Variants in SAMD4A observed in about 807,000 individuals in gnomAD.
SAMD4A encodes the protein protein Smaug homolog 1.
Under a neutral mutation model 81.3 loss-of-function variants are expected in SAMD4A, and 33 were observed. That is an observed-to-expected ratio of 0.41 (90% CI 0.31 to 0.54). The LOEUF is 0.54. Ranked by LOEUF, SAMD4A falls within the 20% of genes least tolerant of loss-of-function variation. The probability of loss-of-function intolerance (pLI) is 0.37; values close to 1 mark genes in which losing one functional copy is unlikely to be tolerated. For missense variants in SAMD4A, 854 were observed against 951.1 expected (o/e 0.90, Z 1.34); for synonymous variants, 389 against 382.1 (o/e 1.02, Z -0.21).
intron 2 of SAMD4A, among the ~76,000 whole-genome samples, chr14:54,696,018 T>A (rs1254873138): frequency 6.6e-6 from 1 of 151,594 alleles, no homozygotes; most frequent in Non-Finnish European, 1.5e-5. Flanking sequence ...CAATCCTTTG[T>A]ACCTTTTCAA....
At chr14:54,690,714 G>T (rs1331339489) in intron 2 of SAMD4A, among the ~76,000 whole-genome samples, 1 of 152,226 alleles carries the variant, frequency 6.6e-6, no homozygotes, top group Non-Finnish European at 1.5e-5. Context: ...ACCAAAGACA[G>T]ATATCTGATA....
intron 2 of SAMD4A, among the ~76,000 whole-genome samples, chr14:54,593,554 A>T (rs1421889756): frequency 6.6e-6 from 1 of 152,188 alleles, no homozygotes; most frequent in East Asian, 1.9e-4. Context: ...GAAAGAGGAG[A>T]TGATTTCAGG....
At chr14:54,737,540 C>T (rs1293305887) in intron 4 of SAMD4A, among the ~76,000 whole-genome samples, 6 of 100,314 alleles carry the variant, frequency 6.0e-5, no homozygotes, top group African/African-American at 8.4e-5. Flanking sequence ...CTCTCTCTCT[C>T]TCTTTTTTTT....
chr14:54,776,865 TG>T (rs2038865611), intron 11 of SAMD4A, among the ~76,000 whole-genome samples: 1 of 151,862 alleles, frequency 6.6e-6, no homozygotes, highest in East Asian at 1.9e-4. Context: ...AGTGTGTGTG[TG>T]TGTGTGTGTG....
chr14:54,632,669 C>T (rs1207073950), intron 2 of SAMD4A, among the ~76,000 whole-genome samples: 3 of 152,100 alleles, frequency 2.0e-5, no homozygotes, highest in Non-Finnish European at 2.9e-5. Context: ...CATGGTATTC[C>T]ACCACAGGAA....
intron 11 of SAMD4A, among the ~76,000 whole-genome samples, chr14:54,776,935 C>A (rs1347686224): frequency 6.6e-6 from 1 of 152,000 alleles, no homozygotes; most frequent in African/African-American, 2.4e-5. Flanking sequence ...GATGCTGAGA[C>A]CTTCCCCCTG....
chr14:54,682,350 T>G (rs982778673), intron 2 of SAMD4A, among the ~76,000 whole-genome samples: 1 of 152,178 alleles, frequency 6.6e-6, no homozygotes, highest in African/African-American at 2.4e-5. Flanking sequence ...CATGCCTGTG[T>G]AGGAGGCAGC....
At chr14:54,753,151 T>C (rs1259245071) in intron 6 of SAMD4A, among the ~76,000 whole-genome samples, 1 of 152,376 alleles carries the variant, frequency 6.6e-6, no homozygotes. Context: ...CTTTTACTAA[T>C]GCACCTCAGC....
intron 3 of SAMD4A, among the ~76,000 whole-genome samples, chr14:54,707,220 C>T (rs574480824): frequency 1.1e-4 from 17 of 151,532 alleles, no homozygotes; most frequent in Admixed American, 3.9e-4. Context: ...CCTCCCACCT[C>T]AGCCTCTTGA....
chr14:54,701,967 T>C, intron 2 of SAMD4A, 95 bp from the exon 3 acceptor site: 2 of 1,342,114 alleles, frequency 1.5e-6, no homozygotes, highest in African/African-American at 1.5e-5. Context: ...ACTATGTAGA[T>C]TGGGACCCTA....
intron 2 of SAMD4A, among the ~76,000 whole-genome samples, chr14:54,686,462 G>A (rs1406584360): frequency 1.3e-5 from 2 of 151,908 alleles, no homozygotes; most frequent in Admixed American, 6.6e-5. Context: ...GTGAATCATA[G>A]CTTTTCCAGC....
chr14:54,699,111 TTACAGCA>T (rs1214050929), intron 2 of SAMD4A, among the ~76,000 whole-genome samples: 1 of 152,194 alleles, frequency 6.6e-6, no homozygotes, highest in Non-Finnish European at 1.5e-5. Flanking sequence ...TACAGTAGGC[TTACAGCA>T]TAACCCCTTT....
At chr14:54,714,326 C>T (rs1344593404) in intron 3 of SAMD4A, among the ~76,000 whole-genome samples, 1 of 152,210 alleles carries the variant, frequency 6.6e-6, no homozygotes, top group African/African-American at 2.4e-5. Context: ...CTCACTCACA[C>T]TGAATTCAAC....
chr14:54,783,469 T>C (rs1183969261), intron 11 of SAMD4A, among the ~76,000 whole-genome samples: 1 of 152,118 alleles, frequency 6.6e-6, no homozygotes, highest in Non-Finnish European at 1.5e-5. Flanking sequence ...CATTGGAACC[T>C]GGGGAGATAG....
intron 2 of SAMD4A, among the ~76,000 whole-genome samples, chr14:54,586,310 A>G (rs749378582): frequency 2.1e-4 from 32 of 152,092 alleles, no homozygotes; most frequent in Non-Finnish European, 4.4e-5. Context: ...TGAATTCTTT[A>G]TAGATTCTGC....
chr14:54,732,226 A>T (rs758847610), intron 3 of SAMD4A, among the ~76,000 whole-genome samples: 10 of 152,204 alleles, frequency 6.6e-5, no homozygotes, highest in Non-Finnish European at 1.0e-4. Context: ...TGATTTTTTT[A>T]AAAAAGACGA....
At position 54,635,294 on chromosome 14, in the gene SAMD4A, A is replaced by G. The variant is rs368262861; in HGVS notation, c.197-66768A>G. Among the ~76,000 whole-genome samples the G allele has an allele frequency of 4.5e-3, 666 of 148,846 alleles. 9 individuals are homozygous for G. The highest frequency in any genetic ancestry group is 0.016 in the African/African-American group (619 of 38,556). ...AAAAAAATTAGCTGGGCATGGTGGC[A>G]GGCACCTGTAATCTCAGCTACTCAG... On this transcript the variant is annotated intron_variant, in intron 2 of 12. Coordinates refer to ENST00000554335, the MANE Select transcript of SAMD4A (RefSeq NM_015589.6).
intron 2 of SAMD4A, among the ~76,000 whole-genome samples, chr14:54,670,503 T>A (rs957900834): frequency 6.6e-6 from 1 of 152,104 alleles, no homozygotes; most frequent in African/African-American, 2.4e-5. Flanking sequence ...CAGAACTGGG[T>A]TCAAGCCTCA....
At chr14:54,662,467 T>C (rs2035664956) in intron 2 of SAMD4A, among the ~76,000 whole-genome samples, 1 of 151,108 alleles carries the variant, frequency 6.6e-6, no homozygotes. Context: ...TGGAGTGCAG[T>C]GGCACTATCT....
Sources: allele counts gnomAD v4.1 joint callset (sites outside exome capture counted in the v4.1 genomes callset), GRCh38; gene constraint gnomAD v4.1.1; transcripts MANE v1.5; gene names NCBI Gene and HGNC (gene_info 2026-07-23, HGNC 2026-07-21).